Variants in TLN2 observed in about 807,000 individuals in gnomAD.
TLN2 encodes the protein talin-2.
TLN2 carries 118 observed loss-of-function variants against 294.7 expected under a neutral mutation model. The ratio of observed to expected loss-of-function variants is 0.40; its 90% CI spans 0.34 to 0.47. The LOEUF is 0.47. Among genes scored for constraint, TLN2 ranks in the 20% least tolerant of loss-of-function variants. The pLI is 0.84. For missense variants in TLN2, 3,083 were observed against 3,282.2 expected, an observed-to-expected ratio of 0.94 and a Z score of 1.48; for synonymous variants, 1,431 against 1,304.5, an observed-to-expected ratio of 1.10 and a Z score of -2.09.
intron 1 of TLN2, among the ~76,000 whole-genome samples, chr15:62,424,307 C>A (rs376320207): frequency 5.3e-4 from 81 of 152,244 alleles, no homozygotes; most frequent in African/African-American, 1.9e-3. Context: ...TGAAGCTTTT[C>A]TTAAGGGAGG....
intron 14 of TLN2, among the ~76,000 whole-genome samples, chr15:62,694,994 T>G (rs1439021508): frequency 6.6e-6 from 1 of 152,210 alleles, no homozygotes; most frequent in African/African-American, 2.4e-5. Context: ...TAGGTTTTAT[T>G]TCCATGGTAG....
chr15:62,685,265 T>C (rs2057182329), intron 11 of TLN2, among the ~76,000 whole-genome samples: 1 of 152,178 alleles, frequency 6.6e-6, no homozygotes, highest in South Asian at 2.1e-4. Flanking sequence ...TTCTACAATA[T>C]GATTTTTAAT....
At chr15:62,664,937 A>T (rs2054410175) in intron 9 of TLN2, among the ~76,000 whole-genome samples, 1 of 151,190 alleles carries the variant, frequency 6.6e-6, no homozygotes, top group South Asian at 2.1e-4. Context: ...TCTCTACTTT[A>T]ATAACAGAAG....
intron 1 of TLN2, among the ~76,000 whole-genome samples, chr15:62,430,536 T>C (rs1019450479): frequency 6.6e-6 from 1 of 152,216 alleles, no homozygotes; most frequent in African/African-American, 2.4e-5. Context: ...TAGCACTTGT[T>C]TGAGTTAATG....
rs2058105403 is a variant in TLN2, at chr15:62,693,807, TTC to T, written c.1216-505_1216-504del. Reference sequence around the variant, plus strand: ...TCTAACTATATATTAAATCATATATTTCTCTTTTTTATTATTATGCTTTTGTT... The same window carrying T: ...TCTAACTATATATTAAATCATATATTTCTTTTTTATTATTATGCTTTTGTT... On this transcript the variant is annotated intron_variant, in intron 13 of 58. Coordinates refer to ENST00000636159, the MANE Select transcript of TLN2 (RefSeq NM_015059.3). Among the ~76,000 whole-genome samples, 4 of 152,056 alleles carry T rather than the reference TTC, an allele frequency of 2.6e-5. No homozygotes were observed. The South Asian group carries it at 6.2e-4, about 24-fold the overall frequency.
chr15:62,703,759 CA>C (rs2058880653), intron 19 of TLN2, among the ~76,000 whole-genome samples: 1 of 152,098 alleles, frequency 6.6e-6, no homozygotes, highest in Non-Finnish European at 1.5e-5. Flanking sequence ...CCTTCTTTTT[CA>C]ATACCAGGGA....
At chr15:62,549,478 A>G (rs960498841) in intron 1 of TLN2, among the ~76,000 whole-genome samples, 7 of 148,390 alleles carry the variant, frequency 4.7e-5, no homozygotes, top group Admixed American at 2.7e-4. Flanking sequence ...CATGCATGCC[A>G]TGCATCCATC....
intron 41 of TLN2, among the ~76,000 whole-genome samples, chr15:62,767,025 A>G (rs1469239771): frequency 6.6e-6 from 1 of 152,180 alleles, no homozygotes; most frequent in East Asian, 1.9e-4. Context: ...TTGGCTTGTT[A>G]TGCAGCCTGT....
intron 2 of TLN2, among the ~76,000 whole-genome samples, chr15:62,610,165 A>G (rs1414738417): frequency 6.6e-6 from 1 of 152,242 alleles, no homozygotes; most frequent in Non-Finnish European, 1.5e-5. Context: ...GCTCTTTGCT[A>G]TTGGATGTCG....
At chr15:62,413,147 C>T (rs1267392626) in intron 1 of TLN2, among the ~76,000 whole-genome samples, 1 of 152,168 alleles carries the variant, frequency 6.6e-6, no homozygotes, top group Non-Finnish European at 1.5e-5. Flanking sequence ...ATAAGTTCAT[C>T]AACACTTGAA....
chr15:62,653,963 A>T (rs2052907262), intron 7 of TLN2, among the ~76,000 whole-genome samples: 1 of 152,190 alleles, frequency 6.6e-6, no homozygotes, highest in Admixed American at 6.5e-5. Context: ...CTAATGATGT[A>T]TATTTATGGG....
chr15:62,790,422 A>G (rs2064998811), intron 45 of TLN2, among the ~76,000 whole-genome samples: 1 of 152,216 alleles, frequency 6.6e-6, no homozygotes, highest in Non-Finnish European at 1.5e-5. Flanking sequence ...TGTGCTCAGG[A>G]TTAAAGACCT....
In TLN2 at chr15:62,792,817, A is replaced by G. The variant is rs746307285; in HGVS notation, c.5883+30A>G. 6 of 1,612,144 alleles carry G rather than the reference A, an allele frequency of 3.7e-6. No homozygotes were observed. The South Asian group carries it at 4.4e-5, about 12-fold the overall frequency. On this transcript the variant is annotated intron_variant, in intron 46 of 58. Transcript: ENST00000636159. ...GGAGCAGCCCTCAGTTTAGAGTCAC[A>G]AGAACCTGCGCTGGCTCTCAGTGAT...
At chr15:62,492,988 T>C (rs890458109) in intron 1 of TLN2, among the ~76,000 whole-genome samples, 4 of 152,200 alleles carry the variant, frequency 2.6e-5, no homozygotes, top group Non-Finnish European at 5.9e-5. Context: ...GTTGTGGCCT[T>C]CCTGTTAGGG....
chr15:62,514,047 C>T (rs139589666), intron 1 of TLN2, among the ~76,000 whole-genome samples: 1 of 152,332 alleles, frequency 6.6e-6, no homozygotes, highest in Non-Finnish European at 1.5e-5. Flanking sequence ...TTTGCTATAA[C>T]TTGAAAGACA....
chr15:62,785,095 C>G (rs550879386), intron 45 of TLN2, among the ~76,000 whole-genome samples: 1 of 152,228 alleles, frequency 6.6e-6, no homozygotes, highest in East Asian at 1.9e-4. Flanking sequence ...TCTAACAGTG[C>G]CTGCATTTTG....
At chr15:62,507,230 C>G (rs1367507223) in intron 1 of TLN2, among the ~76,000 whole-genome samples, 2 of 152,170 alleles carry the variant, frequency 1.3e-5, no homozygotes, top group Admixed American at 6.5e-5. Flanking sequence ...GTTGAAATGT[C>G]TGTTTTTAAT....
chr15:62,705,582 G>A (rs1218500584), intron 19 of TLN2, among the ~76,000 whole-genome samples: 1 of 152,158 alleles, frequency 6.6e-6, no homozygotes, highest in Non-Finnish European at 1.5e-5. Flanking sequence ...GATTCTATGT[G>A]ACCAAATCCT....
intron 1 of TLN2, among the ~76,000 whole-genome samples, chr15:62,488,085 G>A (rs562004978): frequency 7.9e-5 from 12 of 151,674 alleles, no homozygotes; most frequent in African/African-American, 2.7e-4. Flanking sequence ...TCTCAAAAAA[G>A]AAGAAAAGGG....
Sources: gnomAD v4.1 joint callset for allele counts (sites outside exome capture counted in the v4.1 genomes callset) on GRCh38, gnomAD v4.1.1 for gene constraint, MANE v1.5 for transcripts, NCBI Gene and HGNC (gene_info 2026-07-23, HGNC 2026-07-21) for gene names.